The following PDE8A variants were observed in gnomAD, a reference collection of about 807,000 sequenced individuals.
PDE8A encodes the protein phosphodiesterase 8A, also known as high affinity cAMP-specific and IBMX-insensitive 3',5'-cyclic phosphodiesterase 8A.
A neutral mutation model predicts 105.0 loss-of-function variants in PDE8A; 59 were observed. The ratio of observed to expected loss-of-function variants is 0.56; its 90% CI spans 0.46 to 0.70. The LOEUF is 0.70. Ranked by LOEUF, PDE8A falls within the 30% of genes least tolerant of loss-of-function variation. The pLI, the probability that PDE8A is intolerant of heterozygous loss-of-function variation, is 0.00. For synonymous variants in PDE8A, 355 were observed against 371.9 expected (o/e 0.95, Z 0.52); for missense variants, 1,014 against 1,045.9 (o/e 0.97, Z 0.42).
intron 1 of PDE8A, among the ~76,000 whole-genome samples, chr15:84,987,964 A>T (rs961112725): frequency 2.0e-5 from 3 of 152,242 alleles, no homozygotes; most frequent in African/African-American, 7.2e-5. Flanking sequence ...CTGGTTTCTC[A>T]GTACACTGAG....
intron 20 of PDE8A, among the ~76,000 whole-genome samples, chr15:85,132,427 C>G (rs1276381985): frequency 4.6e-5 from 7 of 152,084 alleles, no homozygotes; most frequent in African/African-American, 7.2e-5. Context: ...ATATCTGATA[C>G]TGAACCCCTC....
intron 17 of PDE8A, chr15:85,120,155 A>C (rs1409083593): frequency 5.3e-5 from 8 of 151,744 alleles, no homozygotes; most frequent in African/African-American, 1.9e-4. Context: ...AAAAAAAACA[A>C]AAGAGGCCAA....
intron 5 of PDE8A, among the ~76,000 whole-genome samples, chr15:85,083,083 C>T (rs1270937575): frequency 1.3e-5 from 2 of 152,192 alleles, no homozygotes; most frequent in Non-Finnish European, 2.9e-5. Flanking sequence ...TGTTGGGGTT[C>T]CCCCTGTGAA....
At chr15:85,093,706 C>G (rs542228988) in intron 8 of PDE8A, among the ~76,000 whole-genome samples, 49 of 152,300 alleles carry the variant, frequency 3.2e-4, no homozygotes, top group African/African-American at 1.2e-3. Context: ...GATTTCCAGC[C>G]CCCGCACTTA....
chr15:85,094,349 C>T (rs906252515), intron 8 of PDE8A, among the ~76,000 whole-genome samples: 4 of 152,254 alleles, frequency 2.6e-5, no homozygotes, highest in African/African-American at 4.8e-5. Flanking sequence ...TTTCCTCTCA[C>T]TGTCTCCCCT....
In PDE8A at chr15:85,121,357, C is replaced by T. The variant is rs991055025; in HGVS notation, c.1952+343C>T. On this transcript the variant is annotated intron_variant, in intron 18 of 21. Transcript: ENST00000394553. The stretch of plus-strand genomic sequence containing the variant: ...GCTTGAGCCCAGGAGGCTGAGGCTG[C>T]GGCTGCAGTGAACCGTGATCACACC... 7.7e-5 allele frequency among the ~76,000 whole-genome samples: 7 copies of T among 90,496 alleles called. No individual in the cohort carries two copies. In the South Asian group the frequency reaches 8.0e-4, roughly 10 times the overall value. The allele number at this position is 90,496 out of a possible 152,430, so 59.4% of individuals were successfully genotyped here. A position where few individuals can be genotyped will look rare whatever the true frequency, so the allele number is the denominator to read the frequency against.
rs576119318 is a variant in PDE8A, at chr15:85,017,608, C to A, written c.186+35260C>A. 1.6e-4 allele frequency among the ~76,000 whole-genome samples: 25 copies of A among 152,116 alleles called. No individual in the cohort carries two copies. The East Asian group carries it at 4.4e-3, about 27-fold the overall frequency. On this transcript the variant is annotated intron_variant, in intron 1 of 21. Transcript: ENST00000394553. ...TACACTTTTATTAAAGGAATAAGAC[C>A]GGACACGGTGGCTCACGCCTGTAAT...
At chr15:85,122,648 A>G (rs1232380841) in intron 18 of PDE8A, among the ~76,000 whole-genome samples, 1 of 152,206 alleles carries the variant, frequency 6.6e-6, no homozygotes, top group Non-Finnish European at 1.5e-5. Flanking sequence ...AAAGTACTAA[A>G]ATAAAAGCAA....
chr15:85,130,079 G>A (rs906985404), intron 20 of PDE8A, among the ~76,000 whole-genome samples: 4 of 152,318 alleles, frequency 2.6e-5, no homozygotes, highest in African/African-American at 9.6e-5. Context: ...TCCGGTGAGG[G>A]CTCAGGAAGC....
Position 85,104,089 on chromosome 15 carries a change from C to A in PDE8A, c.1036+3891C>A, listed in dbSNP as rs146860317. ...ATGTGTTGTTTTCACGTGACACTGT[C>A]TCACTGAGGACACCAAATTGTAGTG... On this transcript the variant is annotated intron_variant, in intron 11 of 21. Coordinates refer to ENST00000394553, the MANE Select transcript of PDE8A (RefSeq NM_002605.3). Among the ~76,000 whole-genome samples, 627 of 152,332 alleles carry A rather than the reference C, an allele frequency of 4.1e-3. 1 individual carries two copies. The highest frequency in any genetic ancestry group is 0.012 in the African/African-American group (486 of 41,578).
chr15:85,022,449 G>A (rs1204091889), intron 1 of PDE8A, among the ~76,000 whole-genome samples: 6 of 137,350 alleles, frequency 4.4e-5, no homozygotes, highest in African/African-American at 1.4e-4. Context: ...TTTTTGTAAT[G>A]TCTGACATAG....
At chr15:85,089,497 ATTT>A in intron 7 of PDE8A, 81 bp downstream of exon 7, 1 of 575,430 alleles carries the variant, frequency 1.7e-6, no homozygotes, top group Non-Finnish European at 3.0e-6. Flanking sequence ...CTCCAATATG[ATTT>A]TTTTTTTTCT....
At chr15:85,123,235 C>T in intron 19 of PDE8A, 42 bp downstream of exon 19, 2 of 1,602,420 alleles carry the variant, frequency 1.2e-6, no homozygotes, top group Non-Finnish European at 1.7e-6. Flanking sequence ...GTTTGGGGTC[C>T]TTGTACTGTT....
intron 3 of PDE8A, among the ~76,000 whole-genome samples, chr15:85,070,143 A>G (rs1294641233): frequency 6.6e-6 from 1 of 152,058 alleles, no homozygotes; most frequent in Non-Finnish European, 1.5e-5. Context: ...CCCTTTTGGG[A>G]TACCTAATCA....
intron 5 of PDE8A, among the ~76,000 whole-genome samples, chr15:85,079,126 C>G (rs1596496336): frequency 6.6e-6 from 1 of 152,298 alleles, no homozygotes; most frequent in South Asian, 2.1e-4. Context: ...TGTACCCACA[C>G]TTATGCATAT....
At chr15:85,010,530 C>T (rs2080222346) in intron 1 of PDE8A, among the ~76,000 whole-genome samples, 2 of 152,176 alleles carry the variant, frequency 1.3e-5, no homozygotes, top group Admixed American at 1.3e-4. Flanking sequence ...TGAACCACAG[C>T]TAGGAGTTCA....
chr15:85,090,166 G>T lies in PDE8A; in HGVS notation c.714+750G>T, dbSNP rs368594640. The stretch of plus-strand genomic sequence containing the variant: ...GCCAGTGTTTGAGGGCACAGGCTTT[G>T]GTGTCAGACGGGCCTGGGCTCCATC... On this transcript the variant is annotated intron_variant, in intron 7 of 21. Coordinates refer to ENST00000394553, the MANE Select transcript of PDE8A (RefSeq NM_002605.3). 4.6e-5 allele frequency among the ~76,000 whole-genome samples: 7 copies of T among 152,166 alleles called. No homozygotes were observed. The East Asian group carries it at 9.6e-4, about 21-fold the overall frequency.
intron 1 of PDE8A, among the ~76,000 whole-genome samples, chr15:85,036,197 G>A (rs558153406): frequency 1.5e-4 from 23 of 152,306 alleles, no homozygotes; most frequent in African/African-American, 4.8e-4. Flanking sequence ...TGTTTATGTG[G>A]ATGCTACTTT....
intron 5 of PDE8A, among the ~76,000 whole-genome samples, chr15:85,077,229 A>G (rs1352548542): frequency 6.6e-6 from 1 of 152,188 alleles, no homozygotes; most frequent in Non-Finnish European, 1.5e-5. Context: ...CAACTTTTTA[A>G]GCTAGTTCAA....
Sources: gnomAD v4.1 joint callset for allele counts (sites outside exome capture counted in the v4.1 genomes callset) on GRCh38, gnomAD v4.1.1 for gene constraint, MANE v1.5 for transcripts, NCBI Gene and HGNC (gene_info 2026-07-23, HGNC 2026-07-21) for gene names.